OSBPL10: variants seen among roughly 807,000 people sequenced by gnomAD.
OSBPL10 encodes oxysterol binding protein like 10.
A neutral mutation model predicts 81.7 loss-of-function variants in OSBPL10; 49 were observed. That is an observed-to-expected ratio of 0.60 (90% CI 0.48 to 0.76). The LOEUF (loss-of-function observed/expected upper bound fraction) is 0.76. Ranked by LOEUF, OSBPL10 falls within the 30% of genes least tolerant of loss-of-function variation. The probability of loss-of-function intolerance (pLI) is 0.00; values close to 1 mark genes in which losing one functional copy is unlikely to be tolerated. For missense variants in OSBPL10, 923 were observed against 987.8 expected (o/e 0.93, Z 0.88); for synonymous variants, 419 against 383.6 (o/e 1.09, Z -1.08).
intron 7 of OSBPL10, among the ~76,000 whole-genome samples, chr3:31,689,200 A>T (rs1377544295): frequency 6.6e-6 from 1 of 152,180 alleles, no homozygotes; most frequent in African/African-American, 2.4e-5. Flanking sequence ...TGAACTCTTC[A>T]GTATCACTGC....
chr3:32,056,265 C>T (rs926854557), intron 1 of OSBPL10, among the ~76,000 whole-genome samples: 2 of 152,158 alleles, frequency 1.3e-5, no homozygotes, highest in African/African-American at 4.8e-5. Context: ...CTAGTGATTT[C>T]TGACTGCAGC....
At chr3:31,869,640 A>C (rs1420631326) in intron 3 of OSBPL10, among the ~76,000 whole-genome samples, 2 of 152,196 alleles carry the variant, frequency 1.3e-5, no homozygotes, top group African/African-American at 4.8e-5. Flanking sequence ...CTTTCTATTC[A>C]AATTATGCCA....
At chr3:32,056,410 T>C (rs558918914) in intron 1 of OSBPL10, among the ~76,000 whole-genome samples, 1 of 152,374 alleles carries the variant, frequency 6.6e-6, no homozygotes, top group South Asian at 2.1e-4. Context: ...AGCCTTCTTA[T>C]TTAGTTTACT....
intron 7 of OSBPL10, among the ~76,000 whole-genome samples, chr3:31,689,938 G>A (rs149816933): frequency 3.3e-5 from 5 of 152,264 alleles, no homozygotes; most frequent in African/African-American, 1.2e-4. Context: ...AGTTCTGGAG[G>A]GAAACAGCTT....
chr3:31,887,406 T>TTC (rs1237669750), intron 1 of OSBPL10, among the ~76,000 whole-genome samples: 2 of 152,204 alleles, frequency 1.3e-5, no homozygotes, highest in Non-Finnish European at 2.9e-5. Flanking sequence ...TGTTGAACCC[T>TTC]TCTCATCTCC....
chr3:31,831,298 C>T (rs1281097084), intron 3 of OSBPL10, among the ~76,000 whole-genome samples: 1 of 151,580 alleles, frequency 6.6e-6, no homozygotes, highest in Non-Finnish European at 1.5e-5. Context: ...CGCAGCTACT[C>T]AGGAGGCTGA....
At chr3:31,973,647 A>G (rs915512619) in intron 1 of OSBPL10, among the ~76,000 whole-genome samples, 10 of 152,360 alleles carry the variant, frequency 6.6e-5, no homozygotes, top group African/African-American at 2.4e-4. Flanking sequence ...AATGCCATGC[A>G]CATGAGGAAG....
At chr3:32,018,153 A>G (rs1699332126) in intron 2 of OSBPL10, among the ~76,000 whole-genome samples, 1 of 11,134 alleles carries the variant, frequency 9.0e-5, no homozygotes, top group Admixed American at 1.1e-3. Flanking sequence ...CATCTCAATA[A>G]ATAAATAAAT....
chr3:31,843,914 C>T (rs909908046), intron 3 of OSBPL10, among the ~76,000 whole-genome samples: 2 of 152,176 alleles, frequency 1.3e-5, no homozygotes, highest in Admixed American at 1.3e-4. Flanking sequence ...CAAACACAGG[C>T]AGCAGCCATG....
chr3:31,673,926 A>G (rs1199527116), intron 8 of OSBPL10, among the ~76,000 whole-genome samples: 1 of 151,964 alleles, frequency 6.6e-6, no homozygotes, highest in African/African-American at 2.4e-5. Flanking sequence ...GACTACAAGC[A>G]TGCACCACCA....
At chr3:31,998,771 G>A (rs976058809) in intron 2 of OSBPL10, among the ~76,000 whole-genome samples, 1 of 152,016 alleles carries the variant, frequency 6.6e-6, no homozygotes, top group African/African-American at 2.4e-5. Flanking sequence ...ATAGATCCAC[G>A]TCTATTGGTT....
At chr3:31,895,882 G>A (rs920289820) in intron 1 of OSBPL10, among the ~76,000 whole-genome samples, 7 of 152,144 alleles carry the variant, frequency 4.6e-5, no homozygotes, top group Non-Finnish European at 8.8e-5. Flanking sequence ...AAATAGCAAG[G>A]ATGGGAAATA....
At chr3:31,666,749 TTTATAA>T (rs1278249360) in intron 10 of OSBPL10, among the ~76,000 whole-genome samples, 1 of 152,226 alleles carries the variant, frequency 6.6e-6, no homozygotes, top group Non-Finnish European at 1.5e-5. Context: ...TGTCATTTAA[TTTATAA>T]TTAGGCATAG....
chr3:31,974,810 A>T (rs1698651356), intron 1 of OSBPL10, among the ~76,000 whole-genome samples: 1 of 152,168 alleles, frequency 6.6e-6, no homozygotes, highest in African/African-American at 2.4e-5. Context: ...ATTTAAGAAA[A>T]TTCATTGAAC....
intron 1 of OSBPL10, among the ~76,000 whole-genome samples, chr3:31,937,129 C>A (rs1697397947): frequency 6.6e-6 from 1 of 151,844 alleles, no homozygotes; most frequent in Non-Finnish European, 1.5e-5. Context: ...CTAAAAAGTA[C>A]AAAAATTAGC....
intron 4 of OSBPL10, among the ~76,000 whole-genome samples, chr3:31,803,352 G>A (rs1057012616): frequency 3.9e-5 from 6 of 152,188 alleles, no homozygotes; most frequent in Admixed American, 6.5e-5. Flanking sequence ...CTATAGCACC[G>A]TGACAGAACA....
chr3:31,820,520 G>A (rs759207606), intron 4 of OSBPL10, among the ~76,000 whole-genome samples: 9 of 151,814 alleles, frequency 5.9e-5, no homozygotes, highest in South Asian at 2.1e-4. Flanking sequence ...GCTTAAATCC[G>A]GGAGGCGGAG....
At chr3:31,870,117 G>A (rs1701281012) in intron 3 of OSBPL10, among the ~76,000 whole-genome samples, 3 of 152,230 alleles carry the variant, frequency 2.0e-5, no homozygotes, top group African/African-American at 2.4e-5. Flanking sequence ...AGGGAGGTGT[G>A]GAGGGACAGG....
At chr3:31,668,560 C>G (rs1023771197) in intron 10 of OSBPL10, 82 bp downstream of exon 10, 30 of 1,334,336 alleles carry the variant, frequency 2.2e-5, no homozygotes, top group South Asian at 1.5e-4. Flanking sequence ...CGCTAAGTTT[C>G]AAAGTCTTCT....
Sources: gnomAD v4.1 joint callset for allele counts (sites outside exome capture counted in the v4.1 genomes callset) on GRCh38, gnomAD v4.1.1 for gene constraint, MANE v1.5 for transcripts, NCBI Gene and HGNC (gene_info 2026-07-23, HGNC 2026-07-21) for gene names.